Variants in DOCK1 observed in about 807,000 individuals in gnomAD.
DOCK1 encodes the protein dedicator of cytokinesis 1.
DOCK1 carries 138 observed loss-of-function variants against 262.7 expected under a neutral mutation model. That is an observed-to-expected ratio of 0.53 (90% CI 0.46 to 0.61). The LOEUF (loss-of-function observed/expected upper bound fraction) is 0.61, where lower values mean the gene tolerates loss of function less well. DOCK1 is among the 20% of genes least tolerant of loss of function. The pLI, the probability that DOCK1 is intolerant of heterozygous loss-of-function variation, is 0.00. For missense variants in DOCK1, 1,908 were observed against 2,370.7 expected, an observed-to-expected ratio of 0.80 and a Z score of 4.05; for synonymous variants, 866 against 867.4, an observed-to-expected ratio of 1.00 and a Z score of 0.03.
intron 24 of DOCK1, among the ~76,000 whole-genome samples, chr10:127,107,803 G>A (rs2048621447): frequency 6.6e-6 from 1 of 152,242 alleles, no homozygotes; most frequent in Admixed American, 6.5e-5. Context: ...CTGAGAGGAA[G>A]CAGAGAAAGC....
intron 28 of DOCK1, among the ~76,000 whole-genome samples, chr10:127,248,902 G>A (rs1322005214): frequency 1.3e-5 from 2 of 152,172 alleles, no homozygotes; most frequent in Admixed American, 6.5e-5. Flanking sequence ...TCTAATAAGA[G>A]TACGAACGCT....
Position 127,029,286 on chromosome 10 carries a change from A to G in DOCK1, c.1625-2364A>G, listed in dbSNP as rs1423376389. ...TCGGGGCCTCCCCAGCCAGCCCTGC[A>G]TGCAGATACCTGGGGCAGAAACAGG... On this transcript the variant is annotated intron_variant, in intron 16 of 51. Transcript: ENST00000623213. 2.6e-5 allele frequency among the ~76,000 whole-genome samples: 4 copies of G among 152,206 alleles called. No individual in the cohort carries two copies. The East Asian group carries it at 7.7e-4, about 29-fold the overall frequency.
At chr10:127,054,210 C>G (rs572263070) in intron 22 of DOCK1, among the ~76,000 whole-genome samples, 38 of 152,244 alleles carry the variant, frequency 2.5e-4, no homozygotes, top group African/African-American at 9.1e-4. Context: ...ATGTGTCTAC[C>G]ATGATAGTAA....
chr10:127,242,919 A>C (rs1393209166), intron 27 of DOCK1, among the ~76,000 whole-genome samples: 1 of 151,774 alleles, frequency 6.6e-6, no homozygotes, highest in East Asian at 1.9e-4. Context: ...CACACTCGTC[A>C]CTCCTGTGTC....
At chr10:126,970,924 G>A (rs2038058042) in intron 2 of DOCK1, 139 bp downstream of exon 2, 3 of 881,222 alleles carry the variant, frequency 3.4e-6, no homozygotes, top group Non-Finnish European at 5.0e-6. Flanking sequence ...TTTTCTTGCA[G>A]ATGGATACTG....
At chr10:127,387,026 C>T (rs1382614132) in intron 38 of DOCK1, among the ~76,000 whole-genome samples, 5 of 118,820 alleles carry the variant, frequency 4.2e-5, no homozygotes, top group Admixed American at 3.8e-4. Flanking sequence ...AGCAGTGCTA[C>T]AGAATGGGCA....
intron 48 of DOCK1, among the ~76,000 whole-genome samples, chr10:127,435,489 C>G (rs1168696356): frequency 6.6e-6 from 1 of 152,090 alleles, no homozygotes; most frequent in Non-Finnish European, 1.5e-5. Context: ...AAGGCCAAGT[C>G]CATATGGAAA....
At chr10:127,382,288 A>G (rs1476850497) in intron 37 of DOCK1, among the ~76,000 whole-genome samples, 1 of 152,240 alleles carries the variant, frequency 6.6e-6, no homozygotes, top group East Asian at 1.9e-4. Context: ...ATAGGAGTTA[A>G]GGAAGACATT....
At position 127,110,193 on chromosome 10, in the gene DOCK1, T is replaced by C. The variant is rs2048780448; in HGVS notation, c.2517-55T>C. The C allele has an allele frequency of 4.9e-6, 7 of 1,433,352 alleles. No individual in the cohort carries two copies. The Admixed American group carries it at 5.8e-5, about 12-fold the overall frequency. 88.8% of individuals were successfully genotyped at this position (1,433,352 alleles called of 1,614,324 possible). ...CCTATATCTCAGTATTGTAACAACA[T>C]TGGATCCTTTTGCTATGTGTCTCAA... On this transcript the variant is annotated intron_variant, in intron 24 of 51. Transcript: ENST00000623213.
chr10:127,236,449 C>T (rs370280210), intron 27 of DOCK1, among the ~76,000 whole-genome samples: 5 of 140,860 alleles, frequency 3.5e-5, no homozygotes, highest in South Asian at 2.4e-4. Context: ...CCAACTGTTT[C>T]GGCACCATTT....
At chr10:127,111,251 A>G (rs889792772) in intron 25 of DOCK1, among the ~76,000 whole-genome samples, 5 of 152,262 alleles carry the variant, frequency 3.3e-5, no homozygotes, top group Admixed American at 1.3e-4. Flanking sequence ...GCTTAACCTT[A>G]TAAAATGCAC....
At chr10:127,115,336 G>T (rs1305488943) in intron 25 of DOCK1, among the ~76,000 whole-genome samples, 1 of 152,144 alleles carries the variant, frequency 6.6e-6, no homozygotes, top group African/African-American at 2.4e-5. Context: ...GAGTCAATAG[G>T]CTGTGATGGC....
intron 1 of DOCK1, among the ~76,000 whole-genome samples, chr10:126,949,516 C>G (rs1465469674): frequency 7.2e-5 from 11 of 152,024 alleles, no homozygotes; most frequent in Admixed American, 7.2e-4. Flanking sequence ...TTCCTTTTTC[C>G]CAGGGCATCA....
At chr10:127,037,691 A>G (rs775446864) in intron 18 of DOCK1, 28 bp from the exon 19 acceptor site, 12 of 1,545,250 alleles carry the variant, frequency 7.8e-6, no homozygotes, top group Non-Finnish European at 8.8e-6. Context: ...TTGCTTGTGA[A>G]GATCTGATTG....
At chr10:127,101,719 C>T (rs2048261728) in intron 23 of DOCK1, among the ~76,000 whole-genome samples, 2 of 152,134 alleles carry the variant, frequency 1.3e-5, no homozygotes, top group Non-Finnish European at 2.9e-5. Flanking sequence ...AGCAGGTGGG[C>T]CATAAAGGCC....
chr10:127,161,213 C>T (rs1310137749), intron 27 of DOCK1, among the ~76,000 whole-genome samples: 4 of 152,130 alleles, frequency 2.6e-5, no homozygotes, highest in Non-Finnish European at 4.4e-5. Flanking sequence ...CTCATGGAAA[C>T]GCAAGTACAT....
chr10:127,406,410 G>A (rs1029955456), intron 40 of DOCK1, among the ~76,000 whole-genome samples: 1 of 152,194 alleles, frequency 6.6e-6, no homozygotes, highest in African/African-American at 2.4e-5. Flanking sequence ...TCTGAATGGA[G>A]GTTAACAGGC....
chr10:127,019,860 T>C (rs2042289134), intron 13 of DOCK1, among the ~76,000 whole-genome samples: 1 of 152,218 alleles, frequency 6.6e-6, no homozygotes, highest in Non-Finnish European at 1.5e-5. Flanking sequence ...TAATGAGCCG[T>C]GGAAACGGGG....
intron 1 of DOCK1, among the ~76,000 whole-genome samples, chr10:126,943,901 G>C (rs1043758678): frequency 6.6e-6 from 1 of 152,156 alleles, no homozygotes; most frequent in Non-Finnish European, 1.5e-5. Context: ...GCCAAGCAGG[G>C]TCGTCCCAAG....
Sources: gnomAD v4.1 joint callset for allele counts (sites outside exome capture counted in the v4.1 genomes callset) on GRCh38, gnomAD v4.1.1 for gene constraint, MANE v1.5 for transcripts, NCBI Gene and HGNC (gene_info 2026-07-23, HGNC 2026-07-21) for gene names.